ADGRL2: variants seen among roughly 807,000 people sequenced by gnomAD.
The protein encoded by ADGRL2 is adhesion G protein-coupled receptor L2, also known as calcium-independent alpha-latrotoxin receptor 2.
A neutral mutation model predicts 157.4 loss-of-function variants in ADGRL2; 44 were observed. The observed-to-expected ratio is 0.28, with a 90% confidence interval of 0.22 to 0.36. The LOEUF (loss-of-function observed/expected upper bound fraction) is 0.36, where lower values mean the gene tolerates loss of function less well. Among genes scored for constraint, ADGRL2 ranks in the 10% least tolerant of loss-of-function variants. ADGRL2 has a pLI of 1.00. For synonymous variants in ADGRL2, 585 were observed against 624.7 expected, an observed-to-expected ratio of 0.94 and a Z score of 0.95; for missense variants, 1,510 against 1,768.9, an observed-to-expected ratio of 0.85 and a Z score of 2.63.
At chr1:81,944,434 T>G in intron 6 of ADGRL2, among the ~76,000 whole-genome samples, 1 of 152,100 alleles carries the variant, frequency 6.6e-6, no homozygotes, top group East Asian at 1.9e-4. Flanking sequence ...TGGAGGATCA[T>G]TACTTTAGAA....
chr1:81,633,009 G>T (rs1186285142), intron 3 of ADGRL2, among the ~76,000 whole-genome samples: 1 of 152,174 alleles, frequency 6.6e-6, no homozygotes, highest in Non-Finnish European at 1.5e-5. Flanking sequence ...TTGCTAACCT[G>T]ATTGTGAATG....
chr1:81,596,430 C>G, intron 3 of ADGRL2: 8 of 463,806 alleles, frequency 1.7e-5, no homozygotes, highest in Non-Finnish European at 2.1e-5. Context: ...TACATTGCAG[C>G]TCGTTAGAGT....
chr1:81,340,212 C>A (rs915712924), intron 1 of ADGRL2, among the ~76,000 whole-genome samples: 2 of 152,162 alleles, frequency 1.3e-5, no homozygotes, highest in Non-Finnish European at 2.9e-5. Flanking sequence ...ATAGCATAAA[C>A]AAACAGTATG....
At chr1:81,715,729 A>G (rs2084095057) in intron 1 of ADGRL2, among the ~76,000 whole-genome samples, 1 of 152,152 alleles carries the variant, frequency 6.6e-6, no homozygotes, top group Non-Finnish European at 1.5e-5. Flanking sequence ...TGAGGGGGAA[A>G]TATCTCTTAT....
chr1:81,395,559 A>C (rs556857854), intron 1 of ADGRL2, among the ~76,000 whole-genome samples: 1 of 152,214 alleles, frequency 6.6e-6, no homozygotes, highest in African/African-American at 2.4e-5. Context: ...TTTGATATAT[A>C]ACCCCGTTTG....
chr1:81,580,855 A>T (rs1409367933), intron 2 of ADGRL2: 1 of 152,126 alleles, frequency 6.6e-6, no homozygotes, highest in African/African-American at 2.4e-5. Flanking sequence ...TATATCTGTT[A>T]TTATTTTCCT....
intron 1 of ADGRL2, among the ~76,000 whole-genome samples, chr1:81,386,829 A>G (rs1178606426): frequency 6.6e-6 from 1 of 152,092 alleles, no homozygotes; most frequent in Non-Finnish European, 1.5e-5. Context: ...GCTGAAATGT[A>G]TTAACATATG....
At chr1:81,623,387 T>C (rs1254408003) in intron 3 of ADGRL2, among the ~76,000 whole-genome samples, 1 of 152,226 alleles carries the variant, frequency 6.6e-6, no homozygotes, top group Non-Finnish European at 1.5e-5. Flanking sequence ...TTAGTGGTGC[T>C]ATACACAGAA....
At chr1:81,431,971 A>G (rs2077330815) in intron 1 of ADGRL2, among the ~76,000 whole-genome samples, 3 of 152,136 alleles carry the variant, frequency 2.0e-5, no homozygotes, top group Admixed American at 6.5e-5. Context: ...GGGGTGTTGT[A>G]TTATCCCTCA....
intron 2 of ADGRL2, among the ~76,000 whole-genome samples, chr1:81,567,124 G>A (rs2148478972): frequency 6.6e-6 from 1 of 152,156 alleles, no homozygotes; most frequent in East Asian, 1.9e-4. Flanking sequence ...GATCAGAGGG[G>A]CATGAGCTAA....
At position 81,993,591 on chromosome 1, in the gene ADGRL2, CAAAAG is replaced by C. The variant is rs1382707763; in HGVS notation, c.*2452_*2456del. On this transcript the variant is annotated 3_prime_UTR_variant, in exon 24 of 24. Coordinates refer to ENST00000686636, the MANE Select transcript of ADGRL2 (RefSeq NM_001366006.2). Reference sequence around the variant, plus strand: ...GGAAGCCATCATTGATCTTTGGCATCAAAAGAAAAGTCATTTTTAAAGCATTTCTT... The same window carrying C: ...GGAAGCCATCATTGATCTTTGGCATCAAAAGTCATTTTTAAAGCATTTCTT... Among the ~76,000 whole-genome samples, 1 of 152,048 alleles carries C rather than the reference CAAAAG, an allele frequency of 6.6e-6. No homozygotes were observed.
At chr1:81,470,412 A>C (rs368010007) in intron 2 of ADGRL2, among the ~76,000 whole-genome samples, 29 of 151,682 alleles carry the variant, frequency 1.9e-4, no homozygotes, top group African/African-American at 6.5e-4. Context: ...TCTACCCCCA[A>C]CTGCTCCCTG....
At chr1:81,658,231 G>A (rs930722692) in intron 3 of ADGRL2, among the ~76,000 whole-genome samples, 13 of 152,100 alleles carry the variant, frequency 8.5e-5, no homozygotes, top group African/African-American at 3.1e-4. Context: ...GAGTAGCTGG[G>A]ATTATAGGCA....
At chr1:81,875,755 C>G (rs1014725212) in intron 2 of ADGRL2, among the ~76,000 whole-genome samples, 1 of 152,130 alleles carries the variant, frequency 6.6e-6, no homozygotes, top group African/African-American at 2.4e-5. Flanking sequence ...TTATGTGTGA[C>G]TTAGGTGCTG....
chr1:81,680,736 C>G (rs1437201178), intron 3 of ADGRL2, among the ~76,000 whole-genome samples: 1 of 151,938 alleles, frequency 6.6e-6, no homozygotes, highest in Non-Finnish European at 1.5e-5. Context: ...GTATCAGAGC[C>G]TTAAAGAAGG....
chr1:81,567,743 CAA>C (rs1346686313), intron 2 of ADGRL2, among the ~76,000 whole-genome samples: 1 of 152,000 alleles, frequency 6.6e-6, no homozygotes, highest in Non-Finnish European at 1.5e-5. Context: ...ACAAAACAAA[CAA>C]TATTATGAAA....
At chr1:81,434,319 T>G (rs942201305) in intron 1 of ADGRL2, among the ~76,000 whole-genome samples, 1 of 152,338 alleles carries the variant, frequency 6.6e-6, no homozygotes, top group Non-Finnish European at 1.5e-5. Context: ...CAATGAAAGT[T>G]ACTTATTATT....
intron 3 of ADGRL2, among the ~76,000 whole-genome samples, chr1:81,640,702 C>T (rs1049313717): frequency 2.0e-5 from 3 of 151,736 alleles, no homozygotes; most frequent in Admixed American, 2.0e-4. Flanking sequence ...GACTAAGCTC[C>T]TATACTAGAC....
chr1:81,311,161 TA>T (rs1055069940), intron 1 of ADGRL2, among the ~76,000 whole-genome samples: 1 of 152,310 alleles, frequency 6.6e-6, no homozygotes, highest in African/African-American at 2.4e-5. Flanking sequence ...AGCTCAAAAC[TA>T]AAACTTCATT....
Sources: allele counts gnomAD v4.1 joint callset (sites outside exome capture counted in the v4.1 genomes callset), GRCh38; gene constraint gnomAD v4.1.1; transcripts MANE v1.5; gene names NCBI Gene and HGNC (gene_info 2026-07-23, HGNC 2026-07-21).